Variants in ARL8B observed in about 807,000 individuals in gnomAD.
ARL8B encodes the protein ADP-ribosylation factor-like protein 8B.
ARL8B carries 9 observed loss-of-function variants against 30.6 expected under a neutral mutation model. The observed-to-expected ratio is 0.29, with a 90% CI of 0.18 to 0.51. ARL8B has a LOEUF of 0.51. Ranked by LOEUF, ARL8B falls within the 20% of genes least tolerant of loss-of-function variation. The pLI is 0.97. For missense variants in ARL8B, 130 were observed against 227.2 expected, an observed-to-expected ratio of 0.57 and a Z score of 2.75; for synonymous variants, 74 against 76.0, an observed-to-expected ratio of 0.97 and a Z score of 0.14.
chr3:5,124,788 A>T (rs1041071766), intron 1 of ARL8B, among the ~76,000 whole-genome samples: 2 of 152,202 alleles, frequency 1.3e-5, no homozygotes, highest in African/African-American at 4.8e-5. Context: ...TATGGAAAAG[A>T]TGAGGCATAA....
chr3:5,129,770 C>T (rs1216844667), intron 1 of ARL8B, among the ~76,000 whole-genome samples: 1 of 152,126 alleles, frequency 6.6e-6, no homozygotes, highest in Non-Finnish European at 1.5e-5. Context: ...GTAATCTCAG[C>T]ATTTAGGGAG....
intron 1 of ARL8B, among the ~76,000 whole-genome samples, chr3:5,126,811 GCAGT>G (rs2054233444): frequency 6.6e-6 from 1 of 152,130 alleles, no homozygotes; most frequent in Admixed American, 6.5e-5. Flanking sequence ...AACTGTTCTG[GCAGT>G]TATTGCACAA....
intron 1 of ARL8B, among the ~76,000 whole-genome samples, chr3:5,150,783 A>G (rs2054476064): frequency 6.7e-6 from 1 of 148,470 alleles, no homozygotes; most frequent in African/African-American, 2.6e-5. Context: ...ACTCTGTCTC[A>G]AAATAAAATA....
At position 5,131,394 on chromosome 3, in the gene ARL8B, A is replaced by AT. The variant is rs61389011; in HGVS notation, c.123+8820dup. 1.1e-3 allele frequency among the ~76,000 whole-genome samples: 162 copies of AT among 148,430 alleles called. No individual in the cohort carries two copies. The Middle Eastern group carries it at 0.014, about 13-fold the overall frequency. ...CTTATTTCAATAAAAAAATTAAAAAATTTTTTTTTTTTTTGAGACAGAGTC... is the reference window on the plus strand; with the variant it reads ...CTTATTTCAATAAAAAAATTAAAAAATTTTTTTTTTTTTTTGAGACAGAGTC... On this transcript the variant is annotated intron_variant, in intron 1 of 6. Transcript: ENST00000256496.
At chr3:5,137,437 CT>C (rs368417212) in intron 1 of ARL8B, among the ~76,000 whole-genome samples, 27,334 of 131,906 alleles carry the variant, frequency 0.21, 2,584 homozygotes, top group African/African-American at 0.32. Context: ...TTAATTTTCT[CT>C]TTTTTTTTTT....
intron 1 of ARL8B, among the ~76,000 whole-genome samples, chr3:5,151,444 A>G (rs1392463081): frequency 6.6e-6 from 1 of 152,100 alleles, no homozygotes; most frequent in Non-Finnish European, 1.5e-5. Context: ...CCCTGTCTCT[A>G]AAATATATAA....
intron 1 of ARL8B, among the ~76,000 whole-genome samples, chr3:5,145,859 A>T (rs1012250228): frequency 6.6e-6 from 1 of 152,056 alleles, no homozygotes; most frequent in Non-Finnish European, 1.5e-5. Context: ...CTCTGGGTTT[A>T]TTCTCTTTCC....
At chr3:5,140,395 C>T (rs3864058) in intron 1 of ARL8B, among the ~76,000 whole-genome samples, 1 of 151,920 alleles carries the variant, frequency 6.6e-6, no homozygotes. Context: ...TAGCCCACCA[C>T]CATGTAAGAA....
intron 1 of ARL8B, among the ~76,000 whole-genome samples, chr3:5,152,018 G>A (rs1467779595): frequency 6.6e-6 from 1 of 152,198 alleles, no homozygotes; most frequent in Non-Finnish European, 1.5e-5. Flanking sequence ...GCAAAGCTTT[G>A]ATTTGTGGCT....
intron 1 of ARL8B, among the ~76,000 whole-genome samples, chr3:5,142,727 A>T (rs529358826): frequency 7.4e-4 from 112 of 152,326 alleles, no homozygotes; most frequent in African/African-American, 2.5e-3. Context: ...GAGTAGTTCC[A>T]GGCAAATGAG....
chr3:5,123,988 C>T (rs749225078), intron 1 of ARL8B, among the ~76,000 whole-genome samples: 6 of 152,136 alleles, frequency 3.9e-5, no homozygotes, highest in African/African-American at 9.7e-5. Flanking sequence ...ATTTTCCTGC[C>T]TCCACCTCCT....
At chr3:5,177,230 A>G (rs1196761380) in intron 6 of ARL8B, among the ~76,000 whole-genome samples, 6 of 152,218 alleles carry the variant, frequency 3.9e-5, no homozygotes, top group Admixed American at 6.5e-5. Context: ...ATAGCTCAGT[A>G]GTAATTTTAG....
chr3:5,171,187 T>C (rs2054670803), intron 2 of ARL8B, among the ~76,000 whole-genome samples: 1 of 152,230 alleles, frequency 6.6e-6, no homozygotes, highest in African/African-American at 2.4e-5. Flanking sequence ...TGCAGGTTTC[T>C]TTATGCTTGT....
At chr3:5,156,152 C>T (rs1448573029) in intron 1 of ARL8B, among the ~76,000 whole-genome samples, 3 of 152,130 alleles carry the variant, frequency 2.0e-5, no homozygotes, top group African/African-American at 4.8e-5. Flanking sequence ...ATCTGCCTGC[C>T]TCAGCCTCCC....
At chr3:5,125,734 T>C (rs1482466393) in intron 1 of ARL8B, among the ~76,000 whole-genome samples, 1 of 152,144 alleles carries the variant, frequency 6.6e-6, no homozygotes, top group East Asian at 1.9e-4. Context: ...GGTTTCACCA[T>C]GTTGGGCAGG....
intron 1 of ARL8B, among the ~76,000 whole-genome samples, chr3:5,131,788 C>G (rs1268860579): frequency 6.6e-6 from 1 of 152,164 alleles, no homozygotes; most frequent in Admixed American, 6.5e-5. Flanking sequence ...TCTTAAGTGA[C>G]TGAAATGTTT....
In ARL8B at chr3:5,129,266, T is replaced by A. The variant is rs145390951; in HGVS notation, c.123+6678T>A. Among the ~76,000 whole-genome samples the A allele has an allele frequency of 3.2e-3, 482 of 151,776 alleles. 2 individuals carry two copies. Among genetic ancestry groups the A allele is most frequent in the African/African-American group, 0.011 (455 of 41,438 alleles). On this transcript the variant is annotated intron_variant, in intron 1 of 6. Coordinates refer to ENST00000256496, the MANE Select transcript of ARL8B (RefSeq NM_018184.3). ...CTTGGCACACTGCAACCTCCACCTC[T>A]CGGGTTCAAGCAATTCTCCTGCCTC...
At chr3:5,122,719 T>G in intron 1 of ARL8B, 131 bp downstream of exon 1, 1 of 1,054,248 alleles carries the variant, frequency 9.5e-7, no homozygotes, top group Non-Finnish European at 1.3e-6. Flanking sequence ...AAGCTGGGCC[T>G]GTCATCTCCC....
chr3:5,122,475 C>T lies in ARL8B; in HGVS notation c.10C>T (p.Leu4Phe), dbSNP rs1191827490. The T allele has an allele frequency of 3.7e-6, 6 of 1,613,282 alleles. No individual in the cohort carries two copies. The highest frequency in any genetic ancestry group is 2.2e-5 in the South Asian group (2 of 91,046). Residue 4 changes from leucine to phenylalanine, a missense_variant, in exon 1 of 7, where the codon CTC (leucine) becomes TTC (phenylalanine). Coordinates refer to ENST00000256496, the MANE Select transcript of ARL8B (RefSeq NM_018184.3). The part of the protein sequence containing the change: MLA[L>F]ISRLLDWFRS... Reference sequence around the variant, plus strand: ...GCTCCCGGCCGCCATCATGCTGGCGCTCATCTCCCGCCTGCTGGACTGGTT... The same window carrying T: ...GCTCCCGGCCGCCATCATGCTGGCGTTCATCTCCCGCCTGCTGGACTGGTT...
Sources: allele counts gnomAD v4.1 joint callset (sites outside exome capture counted in the v4.1 genomes callset), GRCh38; gene constraint gnomAD v4.1.1; transcripts MANE v1.5; gene names NCBI Gene and HGNC (gene_info 2026-07-23, HGNC 2026-07-21).